Variants in SNORC observed in about 807,000 individuals in gnomAD.
SNORC encodes the protein secondary ossification center associated regulator of chondrocyte maturation.
A neutral mutation model predicts 9.7 loss-of-function variants in SNORC; 11 were observed. The observed-to-expected ratio is 1.14, with a 90% CI of 0.72 to 1.88. The LOEUF (loss-of-function observed/expected upper bound fraction) is 1.88. SNORC is among the 40% of genes most tolerant of loss of function. The probability of loss-of-function intolerance (pLI) is 0.00; values close to 1 mark genes in which losing one functional copy is unlikely to be tolerated. For missense variants in SNORC, 197 were observed against 173.1 expected (o/e 1.14, Z -0.77); for synonymous variants, 108 against 88.7 (o/e 1.22, Z -1.22).
chr2:232,875,724 C>G, intron 1 of SNORC: 1 of 585,370 alleles, frequency 1.7e-6, no homozygotes, highest in Non-Finnish European at 3.0e-6. Flanking sequence ...TTACACTGAA[C>G]AGACACTCCT....
At chr2:232,875,729 ACTC>A (rs1691203280) in intron 1 of SNORC, 3 of 585,220 alleles carry the variant, frequency 5.1e-6, no homozygotes, top group South Asian at 2.1e-5. Flanking sequence ...CTGAACAGAC[ACTC>A]CTCCTGCCCA....
At chr2:232,866,697 C>T (rs533474177), upstream of SNORC, among the ~76,000 whole-genome samples, 138 of 151,812 alleles carry the variant, frequency 9.1e-4, no homozygotes, top group African/African-American at 2.8e-3. Context: ...GTCTGAACAC[C>T]CTTTGAAAAA....
At chr2:232,870,509 G>A in intron 1 of SNORC, 95 bp downstream of exon 1, 2 of 1,221,912 alleles carry the variant, frequency 1.6e-6, no homozygotes, top group Non-Finnish European at 2.3e-6. Context: ...TGGGGAGGAA[G>A]CCCTCTCACA....
chr2:232,876,940 G>C, downstream of SNORC: 1 of 985,436 alleles, frequency 1.0e-6, no homozygotes, highest in South Asian at 4.7e-5. The surrounding 1 kb of genome is among the most constrained non-coding windows in gnomAD (Gnocchi z 6.8). Flanking sequence ...GCTAGGGCAG[G>C]AGAGGCCGAC....
chr2:232,869,178 T>C (rs1381415868), upstream of SNORC: 1 of 152,184 alleles, frequency 6.6e-6, no homozygotes, highest in Non-Finnish European at 1.5e-5. Context: ...AGGGGCTGAC[T>C]TATCAAGCTG....
upstream of SNORC, among the ~76,000 whole-genome samples, chr2:232,867,472 A>G (rs1690901779): frequency 6.6e-6 from 1 of 152,270 alleles, no homozygotes; most frequent in Admixed American, 6.5e-5. Flanking sequence ...AGCTATCTGT[A>G]ATTTTAGACT....
intron 1 of SNORC, among the ~76,000 whole-genome samples, chr2:232,870,669 G>A (rs944813158): frequency 6.6e-6 from 1 of 152,132 alleles, no homozygotes; most frequent in Non-Finnish European, 1.5e-5. Flanking sequence ...GCAGGCCCAG[G>A]GATGTTTTGC....
chr2:232,869,010 T>C (rs1317333261), upstream of SNORC: 2 of 152,242 alleles, frequency 1.3e-5, no homozygotes, highest in African/African-American at 4.8e-5. Context: ...TTGTGCTTAT[T>C]TCCTCCTAAG....
chr2:232,871,155 G>A (rs1306104641), intron 1 of SNORC, among the ~76,000 whole-genome samples: 1 of 152,210 alleles, frequency 6.6e-6, no homozygotes, highest in Non-Finnish European at 1.5e-5. Flanking sequence ...ACAGTAGCGG[G>A]GTTCAGGGAC....
intron 1 of SNORC, chr2:232,875,316 C>G (rs1047389010): frequency 5.6e-6 from 1 of 179,074 alleles, no homozygotes; most frequent in African/African-American, 2.4e-5. Flanking sequence ...TCACTCCAGC[C>G]TGGGCACAGA....
intron 1 of SNORC, among the ~76,000 whole-genome samples, chr2:232,873,697 G>A (rs190348697): frequency 8.5e-5 from 13 of 152,294 alleles, no homozygotes; most frequent in Admixed American, 2.6e-4. Flanking sequence ...GCGCACTCAG[G>A]CCTTTTACCT....
At chr2:232,876,866 C>G, downstream of SNORC, 1 of 985,556 alleles carries the variant, frequency 1.0e-6, no homozygotes, top group Non-Finnish European at 1.2e-6. The surrounding 1 kb of genome is among the most constrained non-coding windows in gnomAD (Gnocchi z 6.8). Context: ...CCTCGCCGCG[C>G]TCCCCGGGGC....
rs955280522 is a variant in SNORC at position 232,876,151 on chromosome 2, G to A, written c.256+29G>A. On this transcript the variant is annotated intron_variant, in intron 2 of 2. Coordinates refer to ENST00000331342, the Ensembl canonical transcript of SNORC. This position sits in a 1 kb window ranked among gnomAD's most constrained non-coding sequence, Gnocchi z 6.8. ...CGGGCGGGGCGGGGGAGGGAGGGGA[G>A]AGGGAGAAATTAGGAGGGGCGGGGG... 3.2e-6 allele frequency: 4 copies of A among 1,261,322 alleles called. No homozygotes were observed. In the African/African-American group the frequency reaches 4.8e-5, roughly 15 times the overall value. The allele number at this position is 1,261,322 out of a possible 1,614,324, so 78.1% of individuals were successfully genotyped here. A position where few individuals can be genotyped will look rare whatever the true frequency, so the allele number is the denominator to read the frequency against.
rs1691093606 is a variant in SNORC, at chr2:232,873,106, G to A, written c.73+2692G>A. On this transcript the variant is annotated intron_variant, in intron 1 of 2. Transcript: ENST00000331342. Reference sequence around the variant, plus strand: ...AGCAACTGGGCTTGTGTCCAAAGGCGCACCCCAGGCCAGACGCAGCAGCTG... The same window carrying A: ...AGCAACTGGGCTTGTGTCCAAAGGCACACCCCAGGCCAGACGCAGCAGCTG... Among the ~76,000 whole-genome samples the A allele has an allele frequency of 2.6e-5, 4 of 152,222 alleles. 1 individual carries two copies. The highest frequency in any genetic ancestry group is 2.1e-4 in the South Asian group (1 of 4,834).
At chr2:232,870,966 C>T (rs566777893) in intron 1 of SNORC, among the ~76,000 whole-genome samples, 18 of 152,302 alleles carry the variant, frequency 1.2e-4, no homozygotes, top group Middle Eastern at 3.4e-3. Flanking sequence ...ATCAGAGTGG[C>T]GGAGTCTGGG....
downstream of SNORC, chr2:232,876,520 G>C: frequency 8.2e-7 from 1 of 1,223,384 alleles, no homozygotes; most frequent in Non-Finnish European, 1.0e-6. The surrounding 1 kb of genome is among the most constrained non-coding windows in gnomAD (Gnocchi z 6.8). Flanking sequence ...GGTGGGTGCC[G>C]TGCACGCGCG....
intron 1 of SNORC, among the ~76,000 whole-genome samples, chr2:232,874,463 C>T (rs1298901583): frequency 6.6e-6 from 1 of 152,208 alleles, no homozygotes; most frequent in Non-Finnish European, 1.5e-5. Flanking sequence ...TGAGCTGTCT[C>T]CTTAGTCTCT....
In SNORC at chr2:232,870,524, A is replaced by T. The variant is rs538801078; in HGVS notation, c.73+110A>T. 16 of 1,054,660 alleles carry T rather than the reference A, an allele frequency of 1.5e-5. No individual in the cohort carries two copies. In the African/African-American group the frequency reaches 2.5e-4, roughly 17 times the overall value. The allele number at this position is 1,054,660 out of a possible 1,614,324, so 65.3% of individuals were successfully genotyped here. ...TGGGGAGGAAGCCCTCTCACAGGAG[A>T]TGGGATGACTATTTGGGGTGATTCT... On this transcript the variant is annotated intron_variant, in intron 1 of 2. Transcript: ENST00000331342.
At chr2:232,867,983 C>CTT (rs1353325010), upstream of SNORC, among the ~76,000 whole-genome samples, 2 of 152,176 alleles carry the variant, frequency 1.3e-5, no homozygotes, top group Admixed American at 1.3e-4. Flanking sequence ...GCCTCCCTCT[C>CTT]TATCAAGAGA....
Sources: gnomAD v4.1 joint callset for allele counts (sites outside exome capture counted in the v4.1 genomes callset) on GRCh38, gnomAD v4.1.1 for gene constraint, Gnocchi (gnomAD v3.1) non-coding constraint, MANE v1.5 for transcripts, NCBI Gene and HGNC (gene_info 2026-07-23, HGNC 2026-07-21) for gene names.